Variants in TANC2 observed in about 807,000 individuals in gnomAD.
The protein encoded by TANC2 is tetratricopeptide repeat, ankyrin repeat and coiled-coil containing 2, also known as protein TANC2.
In TANC2, 26 loss-of-function variants were observed where a neutral mutation model predicts 210.5. The observed-to-expected ratio is 0.12, with a 90% confidence interval of 0.09 to 0.17. TANC2 has a LOEUF of 0.17. Among genes scored for constraint, TANC2 ranks in the 10% least tolerant of loss-of-function variants. TANC2 has a pLI of 1.00. For synonymous variants in TANC2, 931 were observed against 967.1 expected, an observed-to-expected ratio of 0.96 and a Z score of 0.69; for missense variants, 2,129 against 2,608.9, an observed-to-expected ratio of 0.82 and a Z score of 4.01.
intron 9 of TANC2, among the ~76,000 whole-genome samples, chr17:63,311,699 C>A (rs1331353945): frequency 6.6e-6 from 1 of 152,086 alleles, no homozygotes; most frequent in African/African-American, 2.4e-5. Context: ...ATGTTCATAG[C>A]AGCATTAATC....
rs578140711 is a variant in TANC2 at position 63,171,081 on chromosome 17, CTTTT to C, written c.433+19720_433+19723del. 1.2e-4 allele frequency among the ~76,000 whole-genome samples: 12 copies of C among 98,066 alleles called. No individual in the cohort carries two copies. The Middle Eastern group carries it at 0.025, about 204-fold the overall frequency. 64.3% of individuals were successfully genotyped at this position (98,066 alleles called of 152,430 possible). A position where few individuals can be genotyped will look rare whatever the true frequency, so the allele number is the denominator to read the frequency against. On this transcript the variant is annotated intron_variant, in intron 5 of 27. Coordinates refer to ENST00000689528, the Ensembl canonical transcript of TANC2. ...CCAAATGTCCCAAATGTATTTCTTT[CTTTT>C]TTTTTTTTTTTTTTTTTTGAGATGG...
intron 9 of TANC2, among the ~76,000 whole-genome samples, chr17:63,287,317 T>G (rs181567390): frequency 6.6e-6 from 1 of 152,322 alleles, no homozygotes; most frequent in African/African-American, 2.4e-5. Flanking sequence ...GCATATTTAA[T>G]ACAGTAATAA....
chr17:63,366,033 TG>T (rs1473008265), intron 14 of TANC2, among the ~76,000 whole-genome samples: 2 of 152,020 alleles, frequency 1.3e-5, no homozygotes, highest in Non-Finnish European at 2.9e-5. Flanking sequence ...GTAGAGTGCC[TG>T]GAACACAGTA....
intron 9 of TANC2, among the ~76,000 whole-genome samples, chr17:63,313,699 C>T (rs988988293): frequency 6.6e-6 from 1 of 152,040 alleles, no homozygotes; most frequent in African/African-American, 2.4e-5. Flanking sequence ...TCTTTTAAAC[C>T]ATCAGAGCTT....
At chr17:62,999,556 AC>A (rs57541230) in intron 1 of TANC2, among the ~76,000 whole-genome samples, 81,465 of 151,910 alleles carry the variant, frequency 0.54, 23,421 homozygotes, top group African/African-American at 0.74. Flanking sequence ...AAAACAAATT[AC>A]TTAGAGACTT....
Position 63,420,156 on chromosome 17 carries a change from C to G in TANC2, c.4426C>G (p.Pro1476Ala). The change falls in exon 28 of 28, where the codon CCG becomes GCG. Residue 1476 changes from proline to alanine, a missense_variant. By Grantham distance (27) the Pro-to-Ala change is conservative (BLOSUM62 -1). Transcript: ENST00000689528. This position sits in a 1 kb window ranked among gnomAD's most constrained non-coding sequence, Gnocchi z 4.2. ...GCCACCGCAGCCTCAGCAGCAGTTG[C>G]CGGAAGAAGCAGAACCTGAGCCACA... 6.4e-7 allele frequency: 1 copy of G among 1,562,208 alleles called. No individual in the cohort carries two copies. Among genetic ancestry groups the G allele is most frequent in the South Asian group, 1.2e-5 (1 of 85,192 alleles).
chr17:63,079,083 A>G (rs985245669), intron 3 of TANC2, among the ~76,000 whole-genome samples: 1 of 152,054 alleles, frequency 6.6e-6, no homozygotes, highest in Non-Finnish European at 1.5e-5. Context: ...TCTTCCTCAG[A>G]GATTTATGTG....
chr17:63,278,224 AC>A (rs2043945980), intron 9 of TANC2, among the ~76,000 whole-genome samples: 1 of 152,160 alleles, frequency 6.6e-6, no homozygotes, highest in Non-Finnish European at 1.5e-5. Context: ...ATATTTTCAA[AC>A]CATGTATCTG....
At chr17:63,070,736 T>C (rs781548135) in intron 2 of TANC2, among the ~76,000 whole-genome samples, 22 of 152,326 alleles carry the variant, frequency 1.4e-4, no homozygotes, top group Non-Finnish European at 2.8e-4. Flanking sequence ...AATTTTAGTG[T>C]CCATAAAGAA....
intron 12 of TANC2, among the ~76,000 whole-genome samples, chr17:63,341,450 G>GC (rs2046226217): frequency 1.3e-5 from 2 of 152,192 alleles, no homozygotes. Context: ...CTGTTCATCT[G>GC]CCCATAGCAT....
intron 1 of TANC2, among the ~76,000 whole-genome samples, chr17:63,001,851 A>C (rs1205177281): frequency 6.6e-6 from 1 of 152,144 alleles, no homozygotes; most frequent in African/African-American, 2.4e-5. Flanking sequence ...CCTGGTCAAG[A>C]CCAGATTTCT....
chr17:63,135,241 A>G (rs1371161152), intron 4 of TANC2, among the ~76,000 whole-genome samples: 1 of 152,120 alleles, frequency 6.6e-6, no homozygotes. Context: ...ACCCCACAAA[A>G]ACAAGTACAT....
At chr17:63,005,677 A>G (rs2033588942) in intron 1 of TANC2, among the ~76,000 whole-genome samples, 1 of 151,762 alleles carries the variant, frequency 6.6e-6, no homozygotes, top group South Asian at 2.1e-4. Context: ...TTTGTTAAGG[A>G]TATTTCTGTG....
intron 1 of TANC2, chr17:63,005,181 G>A (rs2033562304): frequency 6.6e-6 from 1 of 151,856 alleles, no homozygotes; most frequent in Non-Finnish European, 1.5e-5. Flanking sequence ...TTATCTCTTT[G>A]TTTCACCACG....
At chr17:63,098,469 CACACACACACA>C in intron 3 of TANC2, among the ~76,000 whole-genome samples, 2 of 38,270 alleles carry the variant, frequency 5.2e-5, no homozygotes, top group African/African-American at 3.7e-4. Flanking sequence ...CACACACACA[CACACACACACA>C]TACACTCTCT....
intron 1 of TANC2, among the ~76,000 whole-genome samples, chr17:62,995,303 G>A (rs989617284): frequency 1.3e-5 from 2 of 152,228 alleles, no homozygotes; most frequent in Non-Finnish European, 2.9e-5. Flanking sequence ...AAGGGACATA[G>A]TAATTCTTAG....
intron 3 of TANC2, among the ~76,000 whole-genome samples, chr17:63,084,422 A>T (rs2036886205): frequency 1.3e-5 from 2 of 149,776 alleles, no homozygotes; most frequent in African/African-American, 2.5e-5. Flanking sequence ...TGATCTTTTC[A>T]ATTTTTTTTC....
At chr17:63,106,558 G>C (rs571169888) in intron 4 of TANC2, among the ~76,000 whole-genome samples, 3 of 151,558 alleles carry the variant, frequency 2.0e-5, no homozygotes, top group East Asian at 3.8e-4. Flanking sequence ...CAGGATTCTT[G>C]CTACAACTGG....
At chr17:63,171,806 G>C (rs182445198) in intron 5 of TANC2, among the ~76,000 whole-genome samples, 8 of 152,218 alleles carry the variant, frequency 5.3e-5, no homozygotes, top group African/African-American at 1.9e-4. Context: ...GTTAATCCCT[G>C]TAAATCCTCT....
Sources: gnomAD v4.1 joint callset for allele counts (sites outside exome capture counted in the v4.1 genomes callset) on GRCh38, gnomAD v4.1.1 for gene constraint, Gnocchi (gnomAD v3.1) non-coding constraint, MANE v1.5 for transcripts, NCBI Gene and HGNC (gene_info 2026-07-23, HGNC 2026-07-21) for gene names.